The following LONRF1 variants were observed in gnomAD, a reference collection of about 807,000 sequenced individuals.
The protein encoded by LONRF1 is LON peptidase N-terminal domain and ring finger 1.
A neutral mutation model predicts 85.8 loss-of-function variants in LONRF1; 37 were observed. The observed-to-expected ratio is 0.43, with a 90% CI of 0.33 to 0.57. LONRF1 has a LOEUF of 0.57. Among genes scored for constraint, LONRF1 ranks in the 20% least tolerant of loss-of-function variants. The pLI is 0.04. For synonymous variants in LONRF1, 517 were observed against 390.1 expected (o/e 1.33, Z -3.83); for missense variants, 1,036 against 978.0 (o/e 1.06, Z -0.79).
chr8:12,741,414 G>C (rs1348209688), intron 2 of LONRF1, among the ~76,000 whole-genome samples: 1 of 152,038 alleles, frequency 6.6e-6, no homozygotes, highest in African/African-American at 2.4e-5. Context: ...TGCAGATTTT[G>C]AAATTCTGAA....
Position 12,755,262 on chromosome 8 carries a change from G to C in LONRF1, c.159C>G (p.Arg53=). Residue 53 remains arginine, a synonymous_variant, in exon 1 of 12, where the codon CGC becomes CGG. Coordinates refer to ENST00000398246, the MANE Select transcript of LONRF1 (RefSeq NM_152271.5). The part of the protein sequence containing the change: ...AESERWELLL[R]RGELLALGGH... ...CGCCCAGCGCCAGCAGCTCCCCGCG[G>C]CGGAGCAGCAGCTCCCAGCGCTCCG... 8.1e-7 allele frequency: 1 copy of C among 1,234,390 alleles called. No individual in the cohort carries two copies. Among genetic ancestry groups the C allele is most frequent in the Non-Finnish European group, 1.0e-6 (1 of 991,152 alleles). The allele number at this position is 1,234,390 out of a possible 1,614,324, so 76.5% of individuals were successfully genotyped here.
At chr8:12,737,945 G>T in intron 4 of LONRF1, 50 bp downstream of exon 4, 1 of 1,545,378 alleles carries the variant, frequency 6.5e-7, no homozygotes, top group Admixed American at 2.2e-5. Context: ...CTCTTAACTC[G>T]TAAAGAAATG....
At chr8:12,728,836 A>G in intron 10 of LONRF1, 65 bp downstream of exon 10, 4 of 1,573,960 alleles carry the variant, frequency 2.5e-6, no homozygotes, top group Admixed American at 1.7e-5. Flanking sequence ...AATAGCCTGC[A>G]TGCCTGTACC....
At chr8:12,746,794 T>C (rs1799174757) in intron 1 of LONRF1, among the ~76,000 whole-genome samples, 1 of 152,144 alleles carries the variant, frequency 6.6e-6, no homozygotes, top group Admixed American at 6.5e-5. Context: ...GGATTCGAGA[T>C]TCTAACTCAG....
Position 12,755,293 on chromosome 8 carries a change from G to A in LONRF1, c.128C>T (p.Ala43Val). The change falls in exon 1 of 12, where the codon GCG becomes GTG. Residue 43 changes from alanine to valine, a missense_variant. Ala to Val is a moderately conservative substitution (Grantham distance 64). This residue lies in a region of LONRF1 where 742 missense variants were observed against 614.4 expected (regional missense o/e 1.21). Coordinates refer to ENST00000398246, the MANE Select transcript of LONRF1 (RefSeq NM_152271.5). ...CAGCAGCTCCCAGCGCTCCGACTCC[G>A]CGGCCGCGCGCTCCAGCCGATGGCC... ...GSGHRLERAA[A>V]ESERWELLLR... 5 of 1,247,346 alleles carry A rather than the reference G, an allele frequency of 4.0e-6. No homozygotes were observed. Among genetic ancestry groups the A allele is most frequent in the Non-Finnish European group, 3.0e-6 (3 of 994,020 alleles). 77.3% of individuals were successfully genotyped at this position (1,247,346 alleles called of 1,614,324 possible). A position where few individuals can be genotyped will look rare whatever the true frequency, so the allele number is the denominator to read the frequency against.
At chr8:12,730,847 A>C (rs184650842) in intron 8 of LONRF1, among the ~76,000 whole-genome samples, 1 of 152,336 alleles carries the variant, frequency 6.6e-6, no homozygotes, top group East Asian at 1.9e-4. Flanking sequence ...AGGAGTCTAC[A>C]AGCACAGCTT....
chr8:12,724,173 T>C (rs1806056831), intron 11 of LONRF1, among the ~76,000 whole-genome samples: 1 of 152,154 alleles, frequency 6.6e-6, no homozygotes, highest in Admixed American at 6.5e-5. Flanking sequence ...AACTGTCTTC[T>C]AAAATCCCCT....
chr8:12,747,300 T>C (rs1296770113), intron 1 of LONRF1, among the ~76,000 whole-genome samples: 7 of 151,728 alleles, frequency 4.6e-5, no homozygotes, highest in African/African-American at 9.7e-5. Flanking sequence ...TGGTTTTCTA[T>C]CTTTGTTCCA....
intron 11 of LONRF1, among the ~76,000 whole-genome samples, chr8:12,723,528 A>T (rs1806013070): frequency 6.6e-6 from 1 of 152,180 alleles, no homozygotes; most frequent in African/African-American, 2.4e-5. Context: ...CTTTCCTCCT[A>T]TTACACTAGC....
At chr8:12,739,469 G>A (rs1798846745) in intron 3 of LONRF1, among the ~76,000 whole-genome samples, 1 of 152,100 alleles carries the variant, frequency 6.6e-6, no homozygotes, top group East Asian at 1.9e-4. Flanking sequence ...TTGCCTCTAG[G>A]AGCAGGGGAT....
At chr8:12,740,807 C>T in intron 3 of LONRF1, 67 bp downstream of exon 3, 1 of 1,383,576 alleles carries the variant, frequency 7.2e-7, no homozygotes, top group Non-Finnish European at 9.8e-7. Context: ...CTTTTATTAG[C>T]TTTTTTTTTT....
At chr8:12,751,849 GCA>G (rs536188240) in intron 1 of LONRF1, among the ~76,000 whole-genome samples, 4 of 152,154 alleles carry the variant, frequency 2.6e-5, no homozygotes, top group Non-Finnish European at 5.9e-5. Flanking sequence ...GTAGGCTCAA[GCA>G]CAGAGATTCA....
intron 3 of LONRF1, among the ~76,000 whole-genome samples, chr8:12,740,526 G>C (rs1410321329): frequency 6.6e-6 from 1 of 152,184 alleles, no homozygotes; most frequent in Non-Finnish European, 1.5e-5. Context: ...GTAAGCAAAG[G>C]TTAGACCTGA....
chr8:12,755,188 C>A lies in LONRF1; in HGVS notation c.233G>T (p.Gly78Val). The A allele has an allele frequency of 1.5e-6, 2 of 1,323,126 alleles. No homozygotes were observed. Among genetic ancestry groups the A allele is most frequent in the Non-Finnish European group, 1.9e-6 (2 of 1,043,996 alleles). The allele number at this position is 1,323,126 out of a possible 1,614,324, so 82.0% of individuals were successfully genotyped here. Reference protein sequence around the residue: ...LEAFAAALRRGAPARPECLGA... With the variant: ...LEAFAAALRRVAPARPECLGA... ...CAGGCACTCGGGCCTGGCCGGGGCC[C>A]CGCGGCGCAGCGCCGCCGCGAACGC... The change falls in exon 1 of 12, where the codon GGG (glycine) becomes GTG (valine). Residue 78 changes from glycine (G) to valine (V), a missense_variant. Transcript: ENST00000398246.
At chr8:12,737,587 T>G (rs1031112842) in intron 4 of LONRF1, among the ~76,000 whole-genome samples, 28 of 152,062 alleles carry the variant, frequency 1.8e-4, no homozygotes, top group African/African-American at 6.0e-4. Flanking sequence ...ATCCTTGGAT[T>G]TGCTATCTGT....
At chr8:12,743,727 C>T (rs936625380) in intron 1 of LONRF1, among the ~76,000 whole-genome samples, 7 of 152,036 alleles carry the variant, frequency 4.6e-5, no homozygotes, top group South Asian at 4.1e-4. Context: ...GGAATTCCCA[C>T]GGTGACAAGG....
chr8:12,743,325 T>C (rs1417433599), intron 1 of LONRF1, 43 bp from the exon 2 acceptor site: 1 of 1,155,098 alleles, frequency 8.7e-7, no homozygotes, highest in South Asian at 1.3e-5. Context: ...TTTTAAAAGA[T>C]TATTACATAA....
intron 2 of LONRF1, among the ~76,000 whole-genome samples, chr8:12,742,955 G>C (rs147568998): frequency 3.3e-5 from 5 of 152,036 alleles, no homozygotes; most frequent in African/African-American, 4.8e-5. Flanking sequence ...CAAACTCCTG[G>C]GCTCAAGCAA....
chr8:12,754,528 G>A (rs1162635474), intron 1 of LONRF1, among the ~76,000 whole-genome samples, 172 bp downstream of exon 1: 1 of 151,896 alleles, frequency 6.6e-6, no homozygotes, highest in Non-Finnish European at 1.5e-5. Flanking sequence ...AAGCACCCCG[G>A]GGCGCCGCCC....
Sources: allele counts gnomAD v4.1 joint callset (sites outside exome capture counted in the v4.1 genomes callset), GRCh38; gene constraint gnomAD v4.1.1; regional missense constraint gnomAD v4.1.1; transcripts MANE v1.5; gene names NCBI Gene and HGNC (gene_info 2026-07-23, HGNC 2026-07-21).